Variants in ZNF572 observed in about 807,000 individuals in gnomAD.
ZNF572 encodes zinc finger protein 572.
A neutral mutation model predicts 3.8 loss-of-function variants in ZNF572; 2 were observed. That is an observed-to-expected ratio of 0.52 (90% CI 0.21 to 1.65). The LOEUF (loss-of-function observed/expected upper bound fraction) is 1.65. Ranked by LOEUF, ZNF572 falls within the 40% of genes most tolerant of loss-of-function variation. The pLI is 0.20. For missense variants in ZNF572, 581 were observed against 633.4 expected, an observed-to-expected ratio of 0.92 and a Z score of 0.89; for synonymous variants, 187 against 204.5, an observed-to-expected ratio of 0.91 and a Z score of 0.73.
chr8:124,977,435 T>C lies in ZNF572; in HGVS notation c.1167T>C (p.Cys389=). 1 of 1,614,122 alleles carries C rather than the reference T, an allele frequency of 6.2e-7. No homozygotes were observed. The highest frequency in any genetic ancestry group is 8.5e-7 in the Non-Finnish European group (1 of 1,179,998). The change falls in exon 3 of 3, where the codon TGT becomes TGC. Residue 389 remains cysteine, a synonymous_variant. Transcript: ENST00000319286. ...AGAAACCATATAGATGTTGTGAATGTGGGAAGAGTTTTGGCCTTAGCTCCC... is the reference window on the plus strand; with the variant it reads ...AGAAACCATATAGATGTTGTGAATGCGGGAAGAGTTTTGGCCTTAGCTCCC... The part of the protein sequence containing the change: ...LGEKPYRCCE[C]GKSFGLSSHL...
intron 1 of ZNF572, among the ~76,000 whole-genome samples, chr8:124,974,644 A>G (rs1371102555): frequency 6.6e-6 from 1 of 152,018 alleles, no homozygotes; most frequent in East Asian, 1.9e-4. Flanking sequence ...TCCATATGTC[A>G]CTGCCTTCCT....
intron 2 of ZNF572, among the ~76,000 whole-genome samples, chr8:124,976,104 AGATT>A (rs1434168626): frequency 6.6e-6 from 1 of 152,156 alleles, no homozygotes; most frequent in Non-Finnish European, 1.5e-5. Context: ...ATTTATTTTT[AGATT>A]GATGTTCCCT....
chr8:124,978,539 T>C lies in ZNF572; in HGVS notation c.*681T>C, dbSNP rs577372820. 1 of 152,340 alleles carries C rather than the reference T, an allele frequency of 6.6e-6. No individual in the cohort carries two copies. Among genetic ancestry groups the C allele is most frequent in the Non-Finnish European group, 1.5e-5 (1 of 68,032 alleles). 9.4% of individuals were successfully genotyped at this position (152,340 alleles called of 1,614,324 possible). A position where few individuals can be genotyped will look rare whatever the true frequency, so the allele number is the denominator to read the frequency against. On this transcript the variant is annotated 3_prime_UTR_variant, in exon 3 of 3. Transcript: ENST00000319286. ...TTATAGAAGGTTCTTTCATTCAAGA[T>C]CATCATTCTTGACAGACCCATAAAT...
rs1485178108 is a variant in ZNF572, at chr8:124,978,340, TA to T, written c.*487del. 3 of 156,636 alleles carry T rather than the reference TA, an allele frequency of 1.9e-5. No individual in the cohort carries two copies. The highest frequency in any genetic ancestry group is 7.2e-5 in the African/African-American group (3 of 41,466). 9.7% of individuals were successfully genotyped at this position (156,636 alleles called of 1,614,324 possible). A position where few individuals can be genotyped will look rare whatever the true frequency, so the allele number is the denominator to read the frequency against. On this transcript the variant is annotated 3_prime_UTR_variant, in exon 3 of 3. Coordinates refer to ENST00000319286, the MANE Select transcript of ZNF572 (RefSeq NM_152412.3). ...TTTTTTCAAATGCATTTTTAGTCACTAAAAATTAACTGTCGTACCATCTAGA... is the reference window on the plus strand; with the variant it reads ...TTTTTTCAAATGCATTTTTAGTCACTAAAATTAACTGTCGTACCATCTAGA...
rs1257943788 is a variant in ZNF572 at position 124,976,963 on chromosome 8, T to C, written c.695T>C (p.Ile232Thr). Residue 232 changes from isoleucine (I) to threonine (T), a missense_variant, in exon 3 of 3, where the codon ATT becomes ACT. Coordinates refer to ENST00000319286, the MANE Select transcript of ZNF572 (RefSeq NM_152412.3). ...AGATTCAGCAGCAGCTCTCACCTTATTCAGCATCACAGATCACATACAGGT... is the reference window on the plus strand; with the variant it reads ...AGATTCAGCAGCAGCTCTCACCTTACTCAGCATCACAGATCACATACAGGT... Reference protein sequence around the residue: ...GKRFSSSSHLIQHHRSHTGEK... With the variant: ...GKRFSSSSHLTQHHRSHTGEK... 1.9e-6 allele frequency: 3 copies of C among 1,614,218 alleles called. No homozygotes were observed. The East Asian group carries it at 6.7e-5, about 36-fold the overall frequency.
At chr8:124,974,609 T>TGGG (rs1814480790) in intron 1 of ZNF572, among the ~76,000 whole-genome samples, 1 of 152,224 alleles carries the variant, frequency 6.6e-6, no homozygotes. Flanking sequence ...TGATACTCTT[T>TGGG]ATATTCTGAA....
Position 124,977,744 on chromosome 8 carries a change from A to G in ZNF572, c.1476A>G (p.Glu492=), listed in dbSNP as rs1169350007. 6.2e-7 allele frequency: 1 copy of G among 1,614,228 alleles called. No individual in the cohort carries two copies. Among genetic ancestry groups the G allele is most frequent in the East Asian group, 2.2e-5 (1 of 44,888 alleles). Residue 492 remains glutamate (E), a synonymous_variant, in exon 3 of 3, where the codon GAA becomes GAG. Coordinates refer to ENST00000319286, the MANE Select transcript of ZNF572 (RefSeq NM_152412.3). The part of the protein sequence containing the change: ...YLSQHRKIHV[E]KPFESPDVGD... ...GTCAGCATCGGAAAATTCACGTAGA[A>G]AAGCCTTTTGAGTCTCCCGACGTTG...
Position 124,978,019 on chromosome 8 carries a change from A to G in ZNF572, c.*161A>G, listed in dbSNP as rs368977990. 2.8e-3 allele frequency: 2,026 copies of G among 726,776 alleles called. 38 individuals are homozygous for G. Among genetic ancestry groups the G allele is most frequent in the South Asian group, 0.025 (1,203 of 47,412 alleles). 45.0% of individuals were successfully genotyped at this position (726,776 alleles called of 1,614,324 possible). ...AAAGGATGGGAAGACCCCAATCACC[A>G]GGTTATTGGATCTGTCCAGTGAGAG... On this transcript the variant is annotated 3_prime_UTR_variant, in exon 3 of 3. Coordinates refer to ENST00000319286, the MANE Select transcript of ZNF572 (RefSeq NM_152412.3).
At position 124,977,391 on chromosome 8, in the gene ZNF572, T is replaced by C; in HGVS notation, c.1123T>C (p.Cys375Arg). ...TCAGAACTGCAATGTGATAGAAGAA[T>C]GCAGAATCCAGTTAGGAGAGAAACC... ...LGQNCNVIEE[C>R]RIQLGEKPYR... Residue 375 changes from cysteine to arginine, a missense_variant, in exon 3 of 3, where the codon TGC (cysteine) becomes CGC (arginine). Cys to Arg is a radical substitution (Grantham distance 180, BLOSUM62 -3). Transcript: ENST00000319286. The C allele has an allele frequency of 1.2e-6, 2 of 1,614,166 alleles. No homozygotes were observed. Among genetic ancestry groups the C allele is most frequent in the Non-Finnish European group, 1.7e-6 (2 of 1,180,022 alleles).
intron 1 of ZNF572, among the ~76,000 whole-genome samples, chr8:124,974,042 T>TC (rs1161752592): frequency 1.3e-5 from 2 of 151,932 alleles, no homozygotes; most frequent in Non-Finnish European, 1.5e-5. Context: ...TGGTTTTTTC[T>TC]CCCCCCCAAC....
At chr8:124,973,454 CG>C in intron 1 of ZNF572, 38 bp downstream of exon 1, 1 of 152,390 alleles carries the variant, frequency 6.6e-6, no homozygotes, top group East Asian at 1.9e-4. Context: ...CCGAGGGTTG[CG>C]GGCTAGAGGA....
At position 124,976,541 on chromosome 8, in the gene ZNF572, G is replaced by T. The variant is rs766786269; in HGVS notation, c.273G>T (p.Lys91Asn). 2 of 1,614,168 alleles carry T rather than the reference G, an allele frequency of 1.2e-6. No homozygotes were observed. Among genetic ancestry groups the T allele is most frequent in the Middle Eastern group, 3.3e-4 (2 of 6,062 alleles). The change falls in exon 3 of 3, where the codon AAG becomes AAT. Residue 91 changes from lysine to asparagine, a missense_variant. Coordinates refer to ENST00000319286, the MANE Select transcript of ZNF572 (RefSeq NM_152412.3). ...ATGATTCCTATGAGAGTGATGGCAA[G>T]TCAGAGAATTGGGGAAATTTTATAG... ...WCHDSYESDG[K>N]SENWGNFIAK...
chr8:124,975,521 A>G (rs1814496173), intron 1 of ZNF572, 85 bp from the exon 2 acceptor site: 1 of 756,018 alleles, frequency 1.3e-6, no homozygotes. Context: ...TATGCCTCCT[A>G]TTGTTGTGTT....
intron 1 of ZNF572, among the ~76,000 whole-genome samples, 161 bp downstream of exon 1, chr8:124,973,577 C>T (rs918323740): frequency 2.0e-5 from 3 of 152,194 alleles, no homozygotes; most frequent in African/African-American, 7.2e-5. Flanking sequence ...TCCTTGTCCG[C>T]GGGGTCCCTT....
intron 1 of ZNF572, among the ~76,000 whole-genome samples, chr8:124,973,710 T>G: frequency 6.6e-6 from 1 of 152,158 alleles, no homozygotes; most frequent in Non-Finnish European, 1.5e-5. Flanking sequence ...TTTGAAGGCT[T>G]TCTGATCAAA....
Position 124,977,461 on chromosome 8 carries a change from A to G in ZNF572, c.1193A>G (p.His398Arg). 6.2e-7 allele frequency: 1 copy of G among 1,614,166 alleles called. No individual in the cohort carries two copies. The highest frequency in any genetic ancestry group is 1.1e-5 in the South Asian group (1 of 91,086). ...GGGAAGAGTTTTGGCCTTAGCTCCC[A>G]TCTCATTAGACATCAGAGAACACAT... ...ECGKSFGLSS[H>R]LIRHQRTHTG... The change falls in exon 3 of 3, where the codon CAT becomes CGT. Residue 398 changes from histidine to arginine, a missense_variant. His to Arg is a conservative substitution (Grantham distance 29). Coordinates refer to ENST00000319286, the MANE Select transcript of ZNF572 (RefSeq NM_152412.3).
chr8:124,975,665 G>A lies in ZNF572; in HGVS notation c.25G>A (p.Val9Ile), dbSNP rs199745502. The part of the protein sequence containing the change: MEQEKKLL[V>I]SDSNSFMERE... ...GATGGAGCAAGAAAAAAAACTGTTG[G>A]TCTCAGATTCTAACAGCTTTATGGA... is the stretch of plus-strand genomic sequence containing the variant. The change falls in exon 2 of 3, where the codon GTC (valine) becomes ATC (isoleucine). Residue 9 changes from valine (V) to isoleucine (I), a missense_variant. Physicochemically the swap from Val to Ile is conservative, Grantham distance 29 (BLOSUM62 3). Coordinates refer to ENST00000319286, the MANE Select transcript of ZNF572 (RefSeq NM_152412.3). 814 of 1,613,930 alleles carry A rather than the reference G, an allele frequency of 5.0e-4. 1 individual carries two copies. The highest frequency in any genetic ancestry group is 6.6e-4 in the Middle Eastern group (4 of 6,058).
chr8:124,977,969 T>C lies in ZNF572; in HGVS notation c.*111T>C. The C allele has an allele frequency of 8.0e-7, 1 of 1,255,134 alleles. No individual in the cohort carries two copies. Among genetic ancestry groups the C allele is most frequent in the Non-Finnish European group, 1.1e-6 (1 of 935,540 alleles). 77.7% of individuals were successfully genotyped at this position (1,255,134 alleles called of 1,614,324 possible). A position where few individuals can be genotyped will look rare whatever the true frequency, so the allele number is the denominator to read the frequency against. ...TTCTTTGATGTGTTTGTCAAAACAT[T>C]TGGAAAAAGTCAACCTCCCAGTTTA... On this transcript the variant is annotated 3_prime_UTR_variant, in exon 3 of 3. Transcript: ENST00000319286.
intron 1 of ZNF572, among the ~76,000 whole-genome samples, chr8:124,973,991 C>T (rs185763258): frequency 1.1e-4 from 17 of 152,234 alleles, no homozygotes; most frequent in African/African-American, 2.4e-4. Flanking sequence ...TAACTCCATT[C>T]GAACAACTCC....
Sources: allele counts gnomAD v4.1 joint callset (sites outside exome capture counted in the v4.1 genomes callset), GRCh38; gene constraint gnomAD v4.1.1; transcripts MANE v1.5; gene names NCBI Gene and HGNC (gene_info 2026-07-23, HGNC 2026-07-21).